LARGE1: variants seen among roughly 807,000 people sequenced by gnomAD.
LARGE1 encodes LARGE xylosyl- and glucuronyltransferase 1.
Under a neutral mutation model 87.6 loss-of-function variants are expected in LARGE1, and 43 were observed. That is an observed-to-expected ratio of 0.49 (90% confidence interval 0.38 to 0.63). The LOEUF is 0.63. Ranked by LOEUF, LARGE1 falls within the 30% of genes least tolerant of loss-of-function variation. LARGE1 has a pLI of 0.00. For missense variants in LARGE1, 802 were observed against 1,000.2 expected, an observed-to-expected ratio of 0.80 and a Z score of 2.67; for synonymous variants, 434 against 394.6, an observed-to-expected ratio of 1.10 and a Z score of -1.18.
chr22:33,408,384 C>T (rs566674309), intron 7 of LARGE1, among the ~76,000 whole-genome samples: 5 of 152,284 alleles, frequency 3.3e-5, no homozygotes, highest in East Asian at 1.9e-4. Context: ...GACACTGGTC[C>T]GAGGTTGGAG....
chr22:33,189,677 C>A (rs190512904), intron 11 of LARGE1, among the ~76,000 whole-genome samples: 1 of 152,288 alleles, frequency 6.6e-6, no homozygotes, highest in African/African-American at 2.4e-5. Flanking sequence ...GGATGGAGGA[C>A]AAGCCCCATT....
intron 2 of LARGE1, among the ~76,000 whole-genome samples, chr22:33,752,773 C>T (rs543546209): frequency 1.3e-4 from 20 of 152,278 alleles, no homozygotes; most frequent in South Asian, 4.1e-4. Context: ...GTATGGAAGG[C>T]GGAAAAATGA....
chr22:33,383,424 GTGCTGCACGC>G (rs2065222568), intron 8 of LARGE1, among the ~76,000 whole-genome samples: 3 of 152,050 alleles, frequency 2.0e-5, no homozygotes, highest in Non-Finnish European at 2.9e-5. Flanking sequence ...GCCTGGTGTG[GTGCTGCACGC>G]CTGTAATCCT....
At chr22:33,355,349 G>A (rs938690308) in intron 9 of LARGE1, among the ~76,000 whole-genome samples, 3 of 152,164 alleles carry the variant, frequency 2.0e-5, no homozygotes. Flanking sequence ...GAATTATGAT[G>A]AACTTGTCTC....
intron 11 of LARGE1, among the ~76,000 whole-genome samples, chr22:33,262,695 C>A (rs147605818): frequency 3.0e-4 from 45 of 152,254 alleles, no homozygotes; most frequent in African/African-American, 1.0e-3. Flanking sequence ...AACCAATGAT[C>A]TCATTCTCTT....
chr22:33,818,120 G>A (rs1013065382), intron 1 of LARGE1, among the ~76,000 whole-genome samples: 2 of 152,130 alleles, frequency 1.3e-5, no homozygotes, highest in African/African-American at 4.8e-5. Flanking sequence ...CTCCACCCTT[G>A]GATTAGGCAC....
chr22:33,550,182 T>C (rs1004546921), intron 6 of LARGE1, among the ~76,000 whole-genome samples: 16 of 132,164 alleles, frequency 1.2e-4, no homozygotes, highest in African/African-American at 3.3e-4. Flanking sequence ...CACACATATA[T>C]ATATATGTAT....
In LARGE1 at chr22:33,273,586, C is replaced by T; in HGVS notation, c.*841G>A. 2.5e-6 allele frequency: 1 copy of T among 398,694 alleles called. No individual in the cohort carries two copies. Among genetic ancestry groups the T allele is most frequent in the East Asian group, 3.6e-5 (1 of 28,080 alleles). The allele number at this position is 398,694 out of a possible 1,614,324, so 24.7% of individuals were successfully genotyped here. On this transcript the variant is annotated 3_prime_UTR_variant, in exon 15 of 15. Coordinates refer to ENST00000397394, the MANE Select transcript of LARGE1 (RefSeq NM_133642.5). ...ATTCCGCAGTCCCCATCGCTATAGCCCCTGGATTCTGGAGAGTAGGGAGTT... is the reference window on the plus strand; with the variant it reads ...ATTCCGCAGTCCCCATCGCTATAGCTCCTGGATTCTGGAGAGTAGGGAGTT...
chr22:33,643,470 C>G (rs2080507641), intron 3 of LARGE1, among the ~76,000 whole-genome samples: 1 of 151,782 alleles, frequency 6.6e-6, no homozygotes, highest in Non-Finnish European at 1.5e-5. Flanking sequence ...GACACCCTAA[C>G]AACTAGAGAA....
intron 11 of LARGE1, among the ~76,000 whole-genome samples, chr22:33,237,211 T>G (rs551683511): frequency 1.3e-5 from 2 of 152,216 alleles, no homozygotes; most frequent in Non-Finnish European, 2.9e-5. Flanking sequence ...AGACAATTTA[T>G]TAGCAAAATA....
rs142994166 is a variant in LARGE1, at chr22:33,248,325, C to G, written c.1730+55904G>C. ...GCCTCAGCCTCCTGAGTAGCTAGGACCACAGGTGCGTGCCACCACACCTAG... is the reference window on the plus strand; with the variant it reads ...GCCTCAGCCTCCTGAGTAGCTAGGAGCACAGGTGCGTGCCACCACACCTAG... On this transcript the variant is annotated intron_variant, in intron 11 of 11. Transcript: ENST00000608642. Among the ~76,000 whole-genome samples, 50 of 152,200 alleles carry G rather than the reference C, an allele frequency of 3.3e-4. 1 individual carries two copies. The highest frequency in any genetic ancestry group is 1.1e-3 in the African/African-American group (44 of 41,534).
At chr22:33,886,707 GAGGGAGGGA>G (rs1009849365) in intron 1 of LARGE1, among the ~76,000 whole-genome samples, 26 of 149,372 alleles carry the variant, frequency 1.7e-4, no homozygotes, top group Middle Eastern at 3.5e-3. Context: ...GGGAAGGAGG[GAGGGAGGGA>G]AAAGAGAAGA....
chr22:33,737,221 AC>A (rs1246651879), intron 2 of LARGE1, among the ~76,000 whole-genome samples: 12 of 152,198 alleles, frequency 7.9e-5, no homozygotes, highest in Non-Finnish European at 1.8e-4. Context: ...CCCCAGGTAT[AC>A]AGGGAATAGA....
chr22:33,787,888 G>T (rs2085701649), intron 1 of LARGE1, among the ~76,000 whole-genome samples: 1 of 152,186 alleles, frequency 6.6e-6, no homozygotes, highest in South Asian at 2.1e-4. Flanking sequence ...TATTTATAGA[G>T]AATGACATAA....
intron 12 of LARGE1, among the ~76,000 whole-genome samples, chr22:33,289,573 G>A (rs550455434): frequency 6.6e-6 from 1 of 152,304 alleles, no homozygotes; most frequent in East Asian, 1.9e-4. Context: ...TCCAAGGCAA[G>A]AGAATGGGCG....
Position 33,274,352 on chromosome 22 carries a change from T to C in LARGE1, c.*75A>G. On this transcript the variant is annotated 3_prime_UTR_variant, in exon 15 of 15. Coordinates refer to ENST00000397394, the MANE Select transcript of LARGE1 (RefSeq NM_133642.5). The stretch of plus-strand genomic sequence containing the variant: ...GAAAAAGCATGGCTCAATTTTGAAT[T>C]TGAAGGCCGGGCCCCAAACAGCGAG... 6.8e-7 allele frequency: 1 copy of C among 1,479,858 alleles called. No individual in the cohort carries two copies. The highest frequency in any genetic ancestry group is 9.4e-7 in the Non-Finnish European group (1 of 1,058,390). The allele number at this position is 1,479,858 out of a possible 1,614,324, so 91.7% of individuals were successfully genotyped here.
At chr22:33,828,018 T>G (rs1319601634) in intron 1 of LARGE1, among the ~76,000 whole-genome samples, 1 of 151,860 alleles carries the variant, frequency 6.6e-6, no homozygotes, top group African/African-American at 2.4e-5. Context: ...TATCAGAGAG[T>G]ATTACAGAAA....
the LARGE1 span, among the ~76,000 whole-genome samples, chr22:33,152,471 G>A: frequency 4.9e-4 from 75 of 152,264 alleles, no homozygotes; most frequent in African/African-American, 1.7e-3. Context: ...AGCTCACATT[G>A]GATCACACCA....
At chr22:33,659,429 G>A (rs1329560928) in intron 2 of LARGE1, among the ~76,000 whole-genome samples, 2 of 152,158 alleles carry the variant, frequency 1.3e-5, no homozygotes, top group Non-Finnish European at 2.9e-5. Flanking sequence ...ATCATGAGAT[G>A]TCCACAGGAG....
Sources: gnomAD v4.1 joint callset for allele counts (sites outside exome capture counted in the v4.1 genomes callset) on GRCh38, gnomAD v4.1.1 for gene constraint, MANE v1.5 for transcripts, NCBI Gene and HGNC (gene_info 2026-07-23, HGNC 2026-07-21) for gene names.